F8: variants seen among roughly 807,000 people sequenced by gnomAD.
F8 encodes antihemophilic factor.
Under a neutral mutation model 140.6 loss-of-function variants are expected in F8, and 12 were observed. The observed-to-expected ratio is 0.09, with a 90% CI of 0.05 to 0.14. The LOEUF (loss-of-function observed/expected upper bound fraction) is 0.14, where lower values mean the gene tolerates loss of function less well. Ranked by LOEUF, F8 falls within the 10% of genes least tolerant of loss-of-function variation. F8 has a pLI of 1.00. For missense variants in F8, 1,354 were observed against 1,720.7 expected, an observed-to-expected ratio of 0.79 and a Z score of 3.77; for synonymous variants, 585 against 614.6, an observed-to-expected ratio of 0.95 and a Z score of 0.71.
chrX:154,981,228 G>A (rs1557283524), intron 6 of F8, among the ~76,000 whole-genome samples: 1 of 111,070 alleles, frequency 9.0e-6, no homozygotes, highest in East Asian at 2.8e-4. Flanking sequence ...GGTTTTACTC[G>A]TCTTTGCAGT....
At chrX:154,913,891 C>T (rs1229685612) in intron 14 of F8, among the ~76,000 whole-genome samples, 1 of 112,609 alleles carries the variant, frequency 8.9e-6, no homozygotes, top group East Asian at 2.8e-4. Context: ...GTCTGGAGGA[C>T]AGTGGCCCTC....
rs1275575042 is a variant in F8, at chrX:155,012,974, G to A, written c.143+9436C>T. Among the ~76,000 whole-genome samples the A allele has an allele frequency of 3.7e-5, 4 of 108,079 alleles. No individual in the cohort carries two copies. In the Admixed American group the frequency reaches 3.9e-4, roughly 11 times the overall value. 93.9% of individuals were successfully genotyped at this position (108,079 alleles called of 115,157 possible). ...ATCCTGGCTAACACGGTGAAACCCC[G>A]TCTCTACTATCAGTATAAAAAATTA... On this transcript the variant is annotated intron_variant, in intron 1 of 25. Coordinates refer to ENST00000360256, the MANE Select transcript of F8 (RefSeq NM_000132.4).
chrX:154,972,513 C>A (rs2073461662), intron 6 of F8, among the ~76,000 whole-genome samples: 1 of 110,749 alleles, frequency 9.0e-6, no homozygotes, highest in Admixed American at 9.7e-5. Flanking sequence ...TGTGCAGAAG[C>A]TTTCTAGTTT....
chrX:154,906,075 C>T (rs2073036442), intron 15 of F8, among the ~76,000 whole-genome samples: 1 of 111,511 alleles, frequency 9.0e-6, no homozygotes, highest in African/African-American at 3.2e-5. Flanking sequence ...AAGAAACTGT[C>T]TAAAAGCTTG....
At chrX:154,903,113 G>T (rs782358061) in intron 18 of F8, among the ~76,000 whole-genome samples, 14 of 111,782 alleles carry the variant, frequency 1.3e-4, no homozygotes, top group Non-Finnish European at 2.1e-4. Flanking sequence ...GAGCAGAAAA[G>T]TTACAGGGCT....
At chrX:154,864,818 G>C (rs1449034125) in intron 22 of F8, among the ~76,000 whole-genome samples, 2 of 110,888 alleles carry the variant, frequency 1.8e-5, no homozygotes, top group African/African-American at 6.6e-5. Context: ...AGAACAATGA[G>C]AAAGAGTGAA....
At chrX:154,850,902 G>T (rs782331029) in intron 25 of F8, among the ~76,000 whole-genome samples, 1 of 111,711 alleles carries the variant, frequency 9.0e-6, no homozygotes, top group Non-Finnish European at 1.9e-5. Context: ...TGCAAAATTC[G>T]CAAACATAAA....
intron 24 of F8, 105 bp downstream of exon 24, chrX:154,861,613 T>G (rs2072691364): frequency 1.0e-6 from 1 of 1,003,281 alleles, no homozygotes; most frequent in Non-Finnish European, 1.4e-6. Flanking sequence ...TTTTTAGAAC[T>G]AACAGTTGAC....
At chrX:154,987,905 T>A (rs1557284377) in intron 4 of F8, among the ~76,000 whole-genome samples, 1 of 112,396 alleles carries the variant, frequency 8.9e-6, no homozygotes, top group Non-Finnish European at 1.9e-5. Flanking sequence ...TGGAAACTTT[T>A]GTTTACAGGC....
chrX:154,908,969 C>T (rs2073051471), intron 14 of F8: 1 of 145,843 alleles, frequency 6.9e-6, no homozygotes, highest in Non-Finnish European at 1.4e-5. Context: ...GTGTGACAAT[C>T]CAACAGAGGT....
At chrX:154,871,191 A>C (rs1557273556) in intron 22 of F8, among the ~76,000 whole-genome samples, 2 of 112,159 alleles carry the variant, frequency 1.8e-5, no homozygotes, top group Non-Finnish European at 3.8e-5. Context: ...GAATTGGAAA[A>C]CACTACTTTA....
intron 25 of F8, 33 bp downstream of exon 25, chrX:154,860,399 T>TTTCC: frequency 8.3e-7 from 1 of 1,199,747 alleles, no homozygotes; most frequent in Non-Finnish European, 1.1e-6. Context: ...ATTTTTTTTC[T>TTTCC]TTCTTTCTTT....
rs367557760 is a variant in F8, at chrX:155,022,527, A to C, written c.26T>G (p.Phe9Cys). Reference protein sequence around the residue: MQIELSTCFFLCLLRFCFS... With the variant: MQIELSTCCFLCLLRFCFS... ...GCAGAATCGCAAAAGGCACAGAAAG[A>C]AGCAGGTGGAGAGCTCTATTTGCAT... The change falls in exon 1 of 26, where the codon TTC (phenylalanine) becomes TGC (cysteine). Residue 9 changes from phenylalanine (F) to cysteine (C), a missense_variant. Around this residue, in one of 4 missense-constraint regions of F8, gnomAD observed 128 missense variants for 230.4 expected, o/e 0.56. Transcript: ENST00000360256. 7.7e-5 allele frequency: 93 copies of C among 1,210,270 alleles called. No homozygotes were observed. Among genetic ancestry groups the C allele is most frequent in the Non-Finnish European group, 1.0e-4 (90 of 895,197 alleles).
chrX:154,995,302 G>A (rs996430697), intron 3 of F8, among the ~76,000 whole-genome samples: 3 of 112,168 alleles, frequency 2.7e-5, no homozygotes, highest in African/African-American at 9.7e-5. Flanking sequence ...AGCTGTCTTG[G>A]GGAGAGGGAG....
chrX:154,895,367 A>G lies in F8; in HGVS notation c.6429+710T>C, dbSNP rs188619724. On this transcript the variant is annotated intron_variant, in intron 22 of 25. Coordinates refer to ENST00000360256, the MANE Select transcript of F8 (RefSeq NM_000132.4). ...TTCTAAAGACAATGGGAAGACATTG[A>G]AAAGTTTTAGGCAGGCGACTGATGA... Among the ~76,000 whole-genome samples, 594 of 112,331 alleles carry G rather than the reference A, an allele frequency of 5.3e-3. 5 individuals are homozygous for G. Among genetic ancestry groups the G allele is most frequent in the African/African-American group, 0.018 (569 of 30,901 alleles).
chrX:154,875,736 A>AGTGTGT (rs35911984), intron 22 of F8, among the ~76,000 whole-genome samples: 13 of 93,441 alleles, frequency 1.4e-4, no homozygotes, highest in East Asian at 6.8e-4. Context: ...CTAAGAATGT[A>AGTGTGT]GTGTGTGTGT....
chrX:154,866,966 G>A (rs1311287990), intron 22 of F8, among the ~76,000 whole-genome samples: 4 of 110,924 alleles, frequency 3.6e-5, no homozygotes, highest in South Asian at 3.7e-4. Flanking sequence ...TCTAGACTAC[G>A]AAAAAAAGAG....
chrX:154,873,297 G>A (rs1230312068), intron 22 of F8, among the ~76,000 whole-genome samples: 2 of 108,483 alleles, frequency 1.8e-5, no homozygotes, highest in African/African-American at 3.4e-5. Flanking sequence ...TGCGATCTTG[G>A]CTCACTACAA....
At chrX:155,003,787 T>C (rs1425668597) in intron 1 of F8, among the ~76,000 whole-genome samples, 6 of 109,314 alleles carry the variant, frequency 5.5e-5, no homozygotes, top group African/African-American at 2.0e-4. Context: ...TGAAACCCCA[T>C]CTTTACTAAA....
Sources: allele counts gnomAD v4.1 joint callset (sites outside exome capture counted in the v4.1 genomes callset), GRCh38; gene constraint gnomAD v4.1.1; regional missense constraint gnomAD v4.1.1; transcripts MANE v1.5; gene names NCBI Gene and HGNC (gene_info 2026-07-23, HGNC 2026-07-21).